GPM6B: variants seen among roughly 807,000 people sequenced by gnomAD.
GPM6B encodes glycoprotein M6B.
Under a neutral mutation model 27.2 loss-of-function variants are expected in GPM6B, and 4 were observed. The ratio of observed to expected loss-of-function variants is 0.15; its 90% CI spans 0.07 to 0.34. The LOEUF (loss-of-function observed/expected upper bound fraction) is 0.34, where lower values mean the gene tolerates loss of function less well. Ranked by LOEUF, GPM6B falls within the 10% of genes least tolerant of loss-of-function variation. The pLI, the probability that GPM6B is intolerant of heterozygous loss-of-function variation, is 1.00. For missense variants in GPM6B, 183 were observed against 261.9 expected (o/e 0.70, Z 2.08); for synonymous variants, 124 against 103.1 (o/e 1.20, Z -1.23).
chrX:13,881,367 C>T (rs892019582), intron 1 of GPM6B, among the ~76,000 whole-genome samples: 5 of 111,291 alleles, frequency 4.5e-5, no homozygotes, highest in African/African-American at 1.3e-4. Context: ...TAAAAAATAG[C>T]GTGGCATGGT....
Position 13,898,683 on chromosome X carries a change from T to C in GPM6B, c.-198+39644A>G, listed in dbSNP as rs150253530. 8.9e-5 allele frequency among the ~76,000 whole-genome samples: 10 copies of C among 112,811 alleles called. No homozygotes were observed. The East Asian group carries it at 2.8e-3, about 32-fold the overall frequency. Reference sequence around the variant, plus strand: ...GCCAGAATCATGTGTCATTCAACCATTGATTTCTTTCCATTTATGTTTGGT... The same window carrying C: ...GCCAGAATCATGTGTCATTCAACCACTGATTTCTTTCCATTTATGTTTGGT... On this transcript the variant is annotated intron_variant, in intron 1 of 6. Transcript: ENST00000398361.
In GPM6B at chrX:13,871,148, T is replaced by G. The variant is rs144522197; in HGVS notation, c.-198+67179A>C. ...AAGAAGTTAGAGCTGTTTCATTCTCTGCCAGTTTCAGGAGATCTGGGGGAG... is the reference window on the plus strand; with the variant it reads ...AAGAAGTTAGAGCTGTTTCATTCTCGGCCAGTTTCAGGAGATCTGGGGGAG... On this transcript the variant is annotated intron_variant, in intron 1 of 6. Transcript: ENST00000398361. Among the ~76,000 whole-genome samples, 234 of 111,887 alleles carry G rather than the reference T, an allele frequency of 2.1e-3. 6 individuals are homozygous for G. The East Asian group carries it at 0.062, about 30-fold the overall frequency.
chrX:13,794,516 G>A (rs1177971300), intron 2 of GPM6B, among the ~76,000 whole-genome samples: 3 of 111,264 alleles, frequency 2.7e-5, no homozygotes, highest in Non-Finnish European at 5.7e-5. Flanking sequence ...GATCCTTGCA[G>A]GAGGACTGTG....
upstream of GPM6B, among the ~76,000 whole-genome samples, chrX:13,818,252 C>A (rs1360168847): frequency 2.7e-5 from 3 of 112,463 alleles, no homozygotes; most frequent in African/African-American, 9.7e-5. Flanking sequence ...GGGATGACCA[C>A]TGATAGGATT....
intron 1 of GPM6B, among the ~76,000 whole-genome samples, chrX:13,934,908 G>A (rs777424941): frequency 2.2e-4 from 25 of 111,224 alleles, no homozygotes; most frequent in South Asian, 1.9e-3. Flanking sequence ...TTTGCTTCCT[G>A]GCTCCAGGAA....
intron 1 of GPM6B, among the ~76,000 whole-genome samples, chrX:13,917,742 T>C (rs1420909459): frequency 8.9e-6 from 1 of 112,517 alleles, no homozygotes; most frequent in African/African-American, 3.2e-5. Flanking sequence ...AGTGTCTTAT[T>C]ATGGCATTAT....
At chrX:13,787,041 CAAAAAAAAAAAAAAA>C (rs869123073) in intron 2 of GPM6B, among the ~76,000 whole-genome samples, 1 of 24,510 alleles carries the variant, frequency 4.1e-5, no homozygotes, top group African/African-American at 2.1e-4. Flanking sequence ...ATTAAGCCAG[CAAAAAAAAAAAAAAA>C]AAAAAAAAAA....
At chrX:13,815,618 T>C (rs1406297720) in intron 1 of GPM6B, among the ~76,000 whole-genome samples, 1 of 111,942 alleles carries the variant, frequency 8.9e-6, no homozygotes, top group African/African-American at 3.3e-5. Context: ...TTTTATGTTA[T>C]GTGTATTGTG....
intron 2 of GPM6B, among the ~76,000 whole-genome samples, chrX:13,804,232 T>C (rs986060790): frequency 3.6e-5 from 4 of 111,557 alleles, no homozygotes; most frequent in African/African-American, 1.3e-4. Flanking sequence ...AGAATCTAGA[T>C]TGTCTTAGGC....
intron 1 of GPM6B, among the ~76,000 whole-genome samples, chrX:13,930,519 CAGA>C (rs1346988057): frequency 9.1e-6 from 1 of 110,392 alleles, no homozygotes; most frequent in Non-Finnish European, 1.9e-5. Context: ...GAGACTGAGG[CAGA>C]AGAATGGCGT....
chrX:13,895,657 G>A (rs1331511786), intron 1 of GPM6B, among the ~76,000 whole-genome samples: 1 of 111,682 alleles, frequency 9.0e-6, no homozygotes, highest in Non-Finnish European at 1.9e-5. Context: ...AATAATGAAT[G>A]TTAGAACATC....
chrX:13,779,565 T>G (rs1347450425), intron 5 of GPM6B, among the ~76,000 whole-genome samples: 1 of 112,030 alleles, frequency 8.9e-6, no homozygotes, highest in African/African-American at 3.2e-5. Flanking sequence ...TAGTTTCATA[T>G]TAAGAAAAGC....
intron 2 of GPM6B, among the ~76,000 whole-genome samples, chrX:13,807,394 C>T (rs753186772): frequency 5.5e-5 from 6 of 109,627 alleles, no homozygotes; most frequent in Admixed American, 9.6e-5. Flanking sequence ...TTTGAGAAGA[C>T]GAAGTGATTG....
At chrX:13,863,973 C>CTTATT (rs201198699) in intron 1 of GPM6B, among the ~76,000 whole-genome samples, 2,733 of 112,285 alleles carry the variant, frequency 0.024, 73 homozygotes, top group African/African-American at 0.08. Flanking sequence ...TTTATGATAT[C>CTTATT]TTATTATATT....
chrX:13,888,020 A>G (rs760683974), intron 1 of GPM6B, among the ~76,000 whole-genome samples: 8 of 112,264 alleles, frequency 7.1e-5, no homozygotes, highest in Non-Finnish European at 1.3e-4. Context: ...TTTATATTCT[A>G]TGGGTGTGTT....
upstream of GPM6B, among the ~76,000 whole-genome samples, chrX:13,818,707 A>C (rs767239052): frequency 8.9e-6 from 1 of 112,453 alleles, no homozygotes; most frequent in East Asian, 2.8e-4. Context: ...ACTTTAGAAA[A>C]AAGATTCGTT....
Position 13,816,926 on chromosome X carries a change from TC to T in GPM6B, c.-23del. The T allele has an allele frequency of 8.4e-7, 1 of 1,185,061 alleles. No individual in the cohort carries two copies. The highest frequency in any genetic ancestry group is 1.9e-5 in the South Asian group (1 of 52,109). On this transcript the variant is annotated 5_prime_UTR_variant, in exon 1 of 8. Transcript: ENST00000316715. ...TCATACCATCCACCAAAAATGCTTT[TC>T]CCCCTGTTCCCCCCAACACACACTT...
At chrX:13,912,055 C>T (rs1285751205) in intron 1 of GPM6B, among the ~76,000 whole-genome samples, 1 of 111,840 alleles carries the variant, frequency 8.9e-6, no homozygotes, top group East Asian at 2.8e-4. Flanking sequence ...CCCCAGGCTC[C>T]AACCACATAG....
intron 3 of GPM6B, among the ~76,000 whole-genome samples, chrX:13,785,344 G>A (rs1036144505): frequency 8.1e-5 from 9 of 111,050 alleles, no homozygotes; most frequent in South Asian, 3.9e-4. Context: ...TTGCCATCTC[G>A]GCTCACCAGC....
Sources: gnomAD v4.1 joint callset for allele counts (sites outside exome capture counted in the v4.1 genomes callset) on GRCh38, gnomAD v4.1.1 for gene constraint, MANE v1.5 for transcripts, NCBI Gene and HGNC (gene_info 2026-07-23, HGNC 2026-07-21) for gene names.